MMD2: variants seen among roughly 807,000 people sequenced by gnomAD.
MMD2 encodes monocyte to macrophage differentiation associated 2, also known as monocyte to macrophage differentiation factor 2.
MMD2 carries 30 observed loss-of-function variants against 33.5 expected under a neutral mutation model. That is an observed-to-expected ratio of 0.90 (90% CI 0.67 to 1.22). The LOEUF is 1.22. Among genes scored for constraint, MMD2 ranks in the 50% most tolerant of loss-of-function variants. The pLI, the probability that MMD2 is intolerant of heterozygous loss-of-function variation, is 0.00. For synonymous variants in MMD2, 129 were observed against 123.0 expected, an observed-to-expected ratio of 1.05 and a Z score of -0.32; for missense variants, 364 against 325.4, an observed-to-expected ratio of 1.12 and a Z score of -0.91.
At chr7:4,905,475 A>C (rs748134964), downstream of MMD2, among the ~76,000 whole-genome samples, 6 of 150,340 alleles carry the variant, frequency 4.0e-5, no homozygotes, top group Non-Finnish European at 7.4e-5. This position sits in a 1 kb window ranked among gnomAD's most constrained non-coding sequence, Gnocchi z 5.0. Flanking sequence ...GGAGGAAAGG[A>C]GGGAGGGAAG....
At position 4,948,174 on chromosome 7, in the gene MMD2, C is replaced by G. The variant is rs376248700; in HGVS notation, c.47+10797G>C. On this transcript the variant is annotated intron_variant, in intron 1 of 6. Transcript: ENST00000401401. ...AGGAGATTGGGGCAGAGACACAGAT[C>G]CAAACCATATCAAACTCTATACAAG... Among the ~76,000 whole-genome samples, 5 of 152,242 alleles carry G rather than the reference C, an allele frequency of 3.3e-5. No homozygotes were observed. The South Asian group carries it at 8.3e-4, about 25-fold the overall frequency.
intron 1 of MMD2, among the ~76,000 whole-genome samples, chr7:4,936,306 G>A (rs1262458541): frequency 1.3e-5 from 2 of 151,758 alleles, no homozygotes; most frequent in Non-Finnish European, 2.9e-5. Flanking sequence ...GATTTCATTA[G>A]TGTAAAACAC....
chr7:4,934,312 C>T (rs1231377264), intron 1 of MMD2, among the ~76,000 whole-genome samples: 2 of 152,146 alleles, frequency 1.3e-5, no homozygotes, highest in Non-Finnish European at 2.9e-5. Flanking sequence ...CCATGTTGCC[C>T]AGGCTGGTCT....
At chr7:4,894,882 T>A in the MMD2 span, among the ~76,000 whole-genome samples, 4 of 151,288 alleles carry the variant, frequency 2.6e-5, no homozygotes, top group Admixed American at 1.3e-4. This position sits in a 1 kb window ranked among gnomAD's most constrained non-coding sequence, Gnocchi z 4.3. Flanking sequence ...TATGTGGAGG[T>A]TTTTATTGGG....
chr7:4,925,548 G>A lies in MMD2; in HGVS notation c.48-16C>T, dbSNP rs1210028053. On this transcript the variant is annotated splice_polypyrimidine_tract_variant and intron_variant, in intron 1 of 6. Coordinates refer to ENST00000401401, the MANE Select transcript of MMD2 (RefSeq NM_198403.4). ...GTTCATGAACCTGGAAGGAGAGGGA[G>A]AATTCCAGGAAGCTCCGCTGGGCAA... is the stretch of plus-strand genomic sequence containing the variant. 6.4e-7 allele frequency: 1 copy of A among 1,552,002 alleles called. No individual in the cohort carries two copies. The highest frequency in any genetic ancestry group is 1.9e-5 in the Admixed American group (1 of 51,860).
intron 5 of MMD2, among the ~76,000 whole-genome samples, chr7:4,910,486 G>A (rs1483755842): frequency 6.6e-6 from 1 of 151,926 alleles, no homozygotes; most frequent in East Asian, 1.9e-4. Flanking sequence ...CCCATCACTC[G>A]AAAGAATGGG....
chr7:4,896,365 AG>A, the MMD2 span, among the ~76,000 whole-genome samples: 1 of 152,316 alleles, frequency 6.6e-6, no homozygotes, highest in Non-Finnish European at 1.5e-5. Flanking sequence ...CTGTAGTCCC[AG>A]TTACTTGGGA....
chr7:4,957,064 G>T (rs1217182003), intron 1 of MMD2, among the ~76,000 whole-genome samples: 2 of 151,846 alleles, frequency 1.3e-5, no homozygotes, highest in Non-Finnish European at 2.9e-5. Context: ...TACTCGGAAG[G>T]CTGAGGCGGG....
chr7:4,941,164 C>CACCA (rs1193348406), intron 1 of MMD2, among the ~76,000 whole-genome samples: 1 of 152,202 alleles, frequency 6.6e-6, no homozygotes, highest in East Asian at 1.9e-4. Context: ...ATGCCACAGA[C>CACCA]ACCAGCCCTA....
At chr7:4,935,107 A>G (rs1166474980) in intron 1 of MMD2, among the ~76,000 whole-genome samples, 1 of 151,670 alleles carries the variant, frequency 6.6e-6, no homozygotes, top group Admixed American at 6.6e-5. Flanking sequence ...AATCTCTTGA[A>G]CCCGGGAGGC....
chr7:4,909,979 T>C (rs1191566975), intron 5 of MMD2, 29 bp from the exon 6 acceptor site: 2 of 1,613,894 alleles, frequency 1.2e-6, no homozygotes, highest in Non-Finnish European at 1.7e-6. Flanking sequence ...GTGCCGGCCT[T>C]AGGACATGCC....
At chr7:4,932,391 A>G (rs917338419) in intron 1 of MMD2, among the ~76,000 whole-genome samples, 1 of 152,026 alleles carries the variant, frequency 6.6e-6, no homozygotes, top group Admixed American at 6.6e-5. Flanking sequence ...GAAAAAGTGA[A>G]TTCATATTTT....
At chr7:4,908,105 C>T (rs182841145) in intron 6 of MMD2, among the ~76,000 whole-genome samples, 321 of 151,706 alleles carry the variant, frequency 2.1e-3, no homozygotes, top group African/African-American at 7.1e-3. Flanking sequence ...CCACCACACT[C>T]GGCCTCAAAT....
At chr7:4,952,116 C>T (rs1786261472) in intron 1 of MMD2, among the ~76,000 whole-genome samples, 1 of 152,224 alleles carries the variant, frequency 6.6e-6, no homozygotes, top group African/African-American at 2.4e-5. Flanking sequence ...CACCACACGC[C>T]AGACCATGCT....
At chr7:4,907,965 G>A (rs1289591409) in intron 6 of MMD2, among the ~76,000 whole-genome samples, 1 of 151,392 alleles carries the variant, frequency 6.6e-6, no homozygotes, top group Non-Finnish European at 1.5e-5. Flanking sequence ...GCACAACCAT[G>A]CCTGGCTAAT....
At chr7:4,928,933 G>A (rs573435807) in intron 1 of MMD2, among the ~76,000 whole-genome samples, 1 of 152,144 alleles carries the variant, frequency 6.6e-6, no homozygotes, top group East Asian at 1.9e-4. Context: ...CGCTAGTACA[G>A]ACCTGGGGCA....
intron 1 of MMD2, among the ~76,000 whole-genome samples, chr7:4,949,482 G>A (rs1786180369): frequency 6.6e-6 from 1 of 151,576 alleles, no homozygotes; most frequent in East Asian, 1.9e-4. Context: ...ATGATCTCCA[G>A]TTCCATCCAT....
intron 1 of MMD2, among the ~76,000 whole-genome samples, chr7:4,929,983 GC>G (rs1296648666): frequency 6.6e-6 from 1 of 152,008 alleles, no homozygotes; most frequent in Non-Finnish European, 1.5e-5. Flanking sequence ...TTAAGATGAG[GC>G]CAGGGCCGGG....
chr7:4,957,068 AGGCG>A (rs1042549065), intron 1 of MMD2, among the ~76,000 whole-genome samples: 8 of 151,766 alleles, frequency 5.3e-5, no homozygotes, highest in African/African-American at 1.9e-4. Context: ...CGGAAGGCTG[AGGCG>A]GGTGAATCAC....
Sources: allele counts gnomAD v4.1 joint callset (sites outside exome capture counted in the v4.1 genomes callset), GRCh38; gene constraint gnomAD v4.1.1; non-coding constraint Gnocchi (gnomAD v3.1); transcripts MANE v1.5; gene names NCBI Gene and HGNC (gene_info 2026-07-23, HGNC 2026-07-21).